CLMN: variants seen among roughly 807,000 people sequenced by gnomAD.
CLMN encodes calmin (calponin-like, transmembrane).
A neutral mutation model predicts 92.7 loss-of-function variants in CLMN; 57 were observed. The observed-to-expected ratio is 0.61, with a 90% confidence interval of 0.50 to 0.77. The LOEUF (loss-of-function observed/expected upper bound fraction) is 0.77, where lower values mean the gene tolerates loss of function less well. CLMN is among the 30% of genes least tolerant of loss of function. The pLI, the probability that CLMN is intolerant of heterozygous loss-of-function variation, is 0.00. For missense variants in CLMN, 1,158 were observed against 1,237.5 expected (o/e 0.94, Z 0.96); for synonymous variants, 466 against 470.6 (o/e 0.99, Z 0.13).
chr14:95,315,481 G>A (rs537556378), intron 1 of CLMN, among the ~76,000 whole-genome samples: 5 of 152,288 alleles, frequency 3.3e-5, no homozygotes, highest in East Asian at 3.9e-4. Flanking sequence ...CAGTGACTGC[G>A]GAGTCCAAGT....
intron 1 of CLMN, among the ~76,000 whole-genome samples, chr14:95,273,488 C>T (rs1185433677): frequency 6.6e-6 from 1 of 152,170 alleles, no homozygotes; most frequent in African/African-American, 2.4e-5. Flanking sequence ...TCTGATAGGG[C>T]CTAACACTCC....
rs1009097528 is a variant in CLMN, at chr14:95,294,655, T to A, written c.82+25056A>T. Among the ~76,000 whole-genome samples, 2 of 152,252 alleles carry A rather than the reference T, an allele frequency of 1.3e-5. No homozygotes were observed. The highest frequency in any genetic ancestry group is 1.9e-4 in the East Asian group (1 of 5,178). On this transcript the variant is annotated intron_variant, in intron 1 of 12. Coordinates refer to ENST00000298912, the MANE Select transcript of CLMN (RefSeq NM_024734.4). This position sits in a 1 kb window ranked among gnomAD's most constrained non-coding sequence, Gnocchi z 4.2. ...GGATTAGGATAAATCCCTGTGCTAGTCTCCTTTGCACACCCCTCCTCCTAC... is the reference window on the plus strand; with the variant it reads ...GGATTAGGATAAATCCCTGTGCTAGACTCCTTTGCACACCCCTCCTCCTAC...
chr14:95,196,355 AGAATGAGGAT>A, intron 10 of CLMN, 133 bp downstream of exon 10: 1 of 819,480 alleles, frequency 1.2e-6, no homozygotes, highest in Non-Finnish European at 1.9e-6. Flanking sequence ...CCAGGTGTAG[AGAATGAGGAT>A]TGTGTATGAA....
chr14:95,310,278 C>A (rs78204758), intron 1 of CLMN, among the ~76,000 whole-genome samples: 1 of 152,202 alleles, frequency 6.6e-6, no homozygotes, highest in Non-Finnish European at 1.5e-5. Flanking sequence ...GCAAAAACGA[C>A]CTAACACAAG....
chr14:95,249,303 A>C (rs1228616009), intron 1 of CLMN, among the ~76,000 whole-genome samples: 1 of 152,170 alleles, frequency 6.6e-6, no homozygotes. Flanking sequence ...TGAGCAGATA[A>C]CTTGTCTTTT....
In CLMN at chr14:95,223,743, T is replaced by C. The variant is rs1165102661; in HGVS notation, c.240+17A>G. ...TTTGCATTTTCTTTCTTTCTGACCC[T>C]TCTGTAACATACGTACCAGATTCCG... is the stretch of plus-strand genomic sequence containing the variant. On this transcript the variant is annotated intron_variant, in intron 3 of 12. Coordinates refer to ENST00000298912, the MANE Select transcript of CLMN (RefSeq NM_024734.4). 6 of 1,589,872 alleles carry C rather than the reference T, an allele frequency of 3.8e-6. No homozygotes were observed. Among genetic ancestry groups the C allele is most frequent in the Middle Eastern group, 1.7e-4 (1 of 6,032 alleles).
rs1395945877 is a variant in CLMN, at chr14:95,194,189, T to C, written c.2770-270A>G. ...CTCCGGGTTCTAACACATCTGCTAC[T>C]GAGCACGTGCCACTGTCCATCGGAC... On this transcript the variant is annotated intron_variant, in intron 11 of 12. Transcript: ENST00000298912. This position sits in a 1 kb window ranked among gnomAD's most constrained non-coding sequence, Gnocchi z 4.0. 2.1e-6 allele frequency: 3 copies of C among 1,399,670 alleles called. No homozygotes were observed. The highest frequency in any genetic ancestry group is 5.3e-5 in the East Asian group (2 of 37,578). The allele number at this position is 1,399,670 out of a possible 1,614,324, so 86.7% of individuals were successfully genotyped here.
chr14:95,195,355 C>T (rs75462804), intron 10 of CLMN, among the ~76,000 whole-genome samples: 7,985 of 152,272 alleles, frequency 0.052, 269 homozygotes, highest in South Asian at 0.11. Flanking sequence ...GGGACAGGCA[C>T]GCTGGGAGTC....
chr14:95,312,605 C>T (rs141344313), intron 1 of CLMN, among the ~76,000 whole-genome samples: 24 of 152,294 alleles, frequency 1.6e-4, no homozygotes, highest in African/African-American at 5.5e-4. Flanking sequence ...GGAGGCTGGC[C>T]GGCCTCACCC....
chr14:95,197,820 C>T (rs900539696), intron 9 of CLMN, among the ~76,000 whole-genome samples: 8 of 151,946 alleles, frequency 5.3e-5, no homozygotes, highest in African/African-American at 1.5e-4. Flanking sequence ...AGCATTAGAG[C>T]GGCCAGGCCA....
intron 12 of CLMN, 109 bp downstream of exon 12, chr14:95,193,740 T>C: frequency 1.5e-6 from 2 of 1,301,820 alleles, no homozygotes; most frequent in Non-Finnish European, 2.1e-6. Context: ...AAATTATTAA[T>C]ACTGTTATCA....
chr14:95,306,072 G>A (rs545417423), intron 1 of CLMN, among the ~76,000 whole-genome samples: 1 of 152,304 alleles, frequency 6.6e-6, no homozygotes, highest in East Asian at 1.9e-4. Flanking sequence ...TCAGAGGAAG[G>A]CAGGAAGCAG....
chr14:95,191,935 T>G lies in CLMN; in HGVS notation c.2841-203A>C. ...GGCCATCCAGGCAGCCCCTCGAGCT[T>G]TTGCACGTACTCCGTTCATCTCCAT... On this transcript the variant is annotated intron_variant, in intron 12 of 12. Coordinates refer to ENST00000298912, the MANE Select transcript of CLMN (RefSeq NM_024734.4). This position sits in a 1 kb window ranked among gnomAD's most constrained non-coding sequence, Gnocchi z 5.3. The G allele has an allele frequency of 2.1e-6, 1 of 486,746 alleles. No individual in the cohort carries two copies. Among genetic ancestry groups the G allele is most frequent in the Non-Finnish European group, 3.6e-6 (1 of 275,336 alleles). The allele number at this position is 486,746 out of a possible 1,614,324, so 30.2% of individuals were successfully genotyped here.
In CLMN at chr14:95,222,298, G is replaced by A. The variant is rs374314638; in HGVS notation, c.241-524C>T. 72 of 233,030 alleles carry A rather than the reference G, an allele frequency of 3.1e-4. No individual in the cohort carries two copies. In the South Asian group the frequency reaches 3.5e-3, roughly 11 times the overall value. The allele number at this position is 233,030 out of a possible 1,614,324, so 14.4% of individuals were successfully genotyped here. ...GTTTTGTGGACAGTTATCCCAGGTCGAAAGAGAGAAAGAGAGAGAAAGAGA... is the reference window on the plus strand; with the variant it reads ...GTTTTGTGGACAGTTATCCCAGGTCAAAAGAGAGAAAGAGAGAGAAAGAGA... On this transcript the variant is annotated intron_variant, in intron 3 of 12. Coordinates refer to ENST00000298912, the MANE Select transcript of CLMN (RefSeq NM_024734.4).
intron 1 of CLMN, among the ~76,000 whole-genome samples, chr14:95,265,745 C>T (rs1364608824): frequency 6.6e-6 from 1 of 152,168 alleles, no homozygotes; most frequent in African/African-American, 2.4e-5. Context: ...CAGACAGAGC[C>T]CTGTTGAACG....
rs113090503 is a variant in CLMN at position 95,255,209 on chromosome 14, GCC to G, written c.83-25078_83-25077del. Among the ~76,000 whole-genome samples, 544 of 152,310 alleles carry G rather than the reference GCC, an allele frequency of 3.6e-3. 9 individuals carry two copies. Among genetic ancestry groups the G allele is most frequent in the African/African-American group, 0.013 (526 of 41,562 alleles). ...CCGGCACCTTGATCCTGGACTTCCA[GCC>G]TCCAGCACTATAGGAAAATACATTT... On this transcript the variant is annotated intron_variant, in intron 1 of 12. Transcript: ENST00000298912.
At position 95,188,872 on chromosome 14, in the gene CLMN, T is replaced by C. The variant is rs1896498330; in HGVS notation, c.*2692A>G. The C allele has an allele frequency of 6.6e-6, 1 of 151,802 alleles. No homozygotes were observed. Among genetic ancestry groups the C allele is most frequent in the African/African-American group, 2.4e-5 (1 of 41,276 alleles). 9.4% of individuals were successfully genotyped at this position (151,802 alleles called of 1,614,324 possible). ...ATTCTATGCTCAGCCACATTTCTGT[T>C]AAGGGCAGAATACAGACATCTTAAG... On this transcript the variant is annotated 3_prime_UTR_variant, in exon 13 of 13. Coordinates refer to ENST00000298912, the MANE Select transcript of CLMN (RefSeq NM_024734.4).
Position 95,202,944 on chromosome 14 carries a change from C to A in CLMN, c.2405G>T (p.Arg802Met), listed in dbSNP as rs1595561834. The A allele has an allele frequency of 6.2e-7, 1 of 1,613,824 alleles. No individual in the cohort carries two copies. The highest frequency in any genetic ancestry group is 2.2e-5 in the East Asian group (1 of 44,856). The part of the protein sequence containing the change: ...SASDQVLYLS[R>M]GGVGTTPASE... ...GGCTGGTGTGGTACCCACACCACCCCTGCTGAGATACAGCACCTGGTCGCT... is the reference window on the plus strand; with the variant it reads ...GGCTGGTGTGGTACCCACACCACCCATGCTGAGATACAGCACCTGGTCGCT... Residue 802 changes from arginine (R) to methionine (M), a missense_variant, in exon 9 of 13, where the codon AGG (arginine) becomes ATG (methionine). Physicochemically the swap from Arg to Met is moderately conservative, Grantham distance 91 (BLOSUM62 -1). Coordinates refer to ENST00000298912, the MANE Select transcript of CLMN (RefSeq NM_024734.4).
rs749991071 is a variant in CLMN, at chr14:95,203,826, C to T, written c.1523G>A (p.Cys508Tyr). The T allele has an allele frequency of 1.2e-6, 2 of 1,614,200 alleles. No homozygotes were observed. The highest frequency in any genetic ancestry group is 2.2e-5 in the East Asian group (1 of 44,880). The change falls in exon 9 of 13, where the codon TGT becomes TAT. Residue 508 changes from cysteine (C) to tyrosine (Y), a missense_variant. Physicochemically the swap from Cys to Tyr is radical, Grantham distance 194. Coordinates refer to ENST00000298912, the MANE Select transcript of CLMN (RefSeq NM_024734.4). ...GGCTGTACTCTCTAAAGCACCATTA[C>T]AGGAAGAAGACTGAGAATTATTGTT... ...GTNNNSQSSSCNGALESTARH... is the reference protein window; with the variant it reads ...GTNNNSQSSSYNGALESTARH...
Sources: allele counts gnomAD v4.1 joint callset (sites outside exome capture counted in the v4.1 genomes callset), GRCh38; gene constraint gnomAD v4.1.1; non-coding constraint Gnocchi (gnomAD v3.1); transcripts MANE v1.5; gene names NCBI Gene and HGNC (gene_info 2026-07-23, HGNC 2026-07-21).